OAT: variants seen among roughly 807,000 people sequenced by gnomAD.
OAT encodes the protein ornithine aminotransferase.
In OAT, 35 loss-of-function variants were observed where a neutral mutation model predicts 48.4. The ratio of observed to expected loss-of-function variants is 0.72; its 90% CI spans 0.55 to 0.96. OAT has a LOEUF of 0.96. OAT is among the 40% of genes least tolerant of loss of function. The pLI, the probability that OAT is intolerant of heterozygous loss-of-function variation, is 0.00. For missense variants in OAT, 438 were observed against 537.9 expected (o/e 0.81, Z 1.84); for synonymous variants, 182 against 198.4 (o/e 0.92, Z 0.70).
intron 5 of OAT, among the ~76,000 whole-genome samples, chr10:124,405,105 A>G (rs1951534211): frequency 6.6e-6 from 1 of 152,220 alleles, no homozygotes; most frequent in Admixed American, 6.5e-5. Flanking sequence ...AGCCAACTTA[A>G]GGCTTTCTTA....
chr10:124,399,637 G>A (rs1410223447), intron 9 of OAT, among the ~76,000 whole-genome samples: 3 of 151,934 alleles, frequency 2.0e-5, no homozygotes, highest in Admixed American at 1.3e-4. Context: ...AAGACACCGC[G>A]CCCGGCCCCT....
rs1491402467 is a variant in OAT, at chr10:124,408,283, A to AAG, written c.520+257_520+258dup. ...TATGTTTTTTATATATAAAATATAT[A>AAG]AGTGTGTGTGTGTGTGTGTGTGTGT... On this transcript the variant is annotated intron_variant, in intron 4 of 9. Coordinates refer to ENST00000368845, the MANE Select transcript of OAT (RefSeq NM_000274.4). 5.8e-4 allele frequency among the ~76,000 whole-genome samples: 64 copies of AAG among 109,984 alleles called. No individual in the cohort carries two copies. The East Asian group carries it at 0.012, about 21-fold the overall frequency. 72.2% of individuals were successfully genotyped at this position (109,984 alleles called of 152,430 possible). A position where few individuals can be genotyped will look rare whatever the true frequency, so the allele number is the denominator to read the frequency against.
At position 124,398,068 on chromosome 10, in the gene OAT, T is replaced by G; in HGVS notation, c.1194A>C (p.Arg398=). The part of the protein sequence containing the change: ...WDAWKVCLRL[R]DNGLLAKPTH... ...TTGGCTTGGCCAGAAGTCCATTATC[T>G]CGAAGTCGTAGACACACCTTCCAAG... Residue 398 remains arginine (R), a synonymous_variant, in exon 10 of 10, where the codon CGA becomes CGC. Transcript: ENST00000368845. 1 of 1,614,154 alleles carries G rather than the reference T, an allele frequency of 6.2e-7. No individual in the cohort carries two copies. The highest frequency in any genetic ancestry group is 8.5e-7 in the Non-Finnish European group (1 of 1,180,008).
chr10:124,412,916 C>T (rs1951802577), intron 1 of OAT, among the ~76,000 whole-genome samples: 1 of 152,198 alleles, frequency 6.6e-6, no homozygotes. Context: ...AGGCACAATG[C>T]TATGAGACAG....
intron 1 of OAT, among the ~76,000 whole-genome samples, chr10:124,416,800 A>AT (rs1472876946): frequency 1.3e-5 from 2 of 152,046 alleles, no homozygotes; most frequent in African/African-American, 4.8e-5. Flanking sequence ...TGAGGAGTAA[A>AT]TTTGTTCTTG....
chr10:124,403,791 T>C lies in OAT; in HGVS notation c.771+7A>G. On this transcript the variant is annotated splice_region_variant and intron_variant, in intron 6 of 9. Transcript: ENST00000368845. ...TCAGCCTTATCACAAACAGCTAACG[T>C]GACAACCTGGTGCCTGGTGCAGAGC... 6.2e-7 allele frequency: 1 copy of C among 1,614,094 alleles called. No homozygotes were observed. The highest frequency in any genetic ancestry group is 8.5e-7 in the Non-Finnish European group (1 of 1,179,954).
chr10:124,398,090 C>A lies in OAT; in HGVS notation c.1172G>T (p.Trp391Leu). The change falls in exon 10 of 10, where the codon TGG becomes TTG. Residue 391 changes from tryptophan to leucine, a missense_variant. Coordinates refer to ENST00000368845, the MANE Select transcript of OAT (RefSeq NM_000274.4). ...VIKETKDWDA[W>L]KVCLRLRDNG... ...ATCTCGAAGTCGTAGACACACCTTC[C>A]AAGCATCCCAATCTAAAGAAAAATA... 1 of 1,614,062 alleles carries A rather than the reference C, an allele frequency of 6.2e-7. No homozygotes were observed. The highest frequency in any genetic ancestry group is 8.5e-7 in the Non-Finnish European group (1 of 1,179,980).
chr10:124,405,775 T>C, intron 4 of OAT: 1 of 1,353,506 alleles, frequency 7.4e-7, no homozygotes, highest in East Asian at 3.2e-5. Context: ...GCCTTGTAAT[T>C]CCTATTTTAG....
rs59171918 is a variant in OAT at position 124,417,283 on chromosome 10, CTT to C, written c.-30+1588_-30+1589del. ...AAAACTGTAAACCCAAAACTATAAG[CTT>C]TTTTTTTTTTTTTTTTTTTTTTCGA... On this transcript the variant is annotated intron_variant, in intron 1 of 9. Transcript: ENST00000368845. Among the ~76,000 whole-genome samples, 81 of 87,010 alleles carry C rather than the reference CTT, an allele frequency of 9.3e-4. No individual in the cohort carries two copies. The East Asian group carries it at 0.013, about 14-fold the overall frequency. 57.1% of individuals were successfully genotyped at this position (87,010 alleles called of 152,430 possible).
chr10:124,415,125 T>C (rs1367238265), intron 1 of OAT: 2 of 136,210 alleles, frequency 1.5e-5, no homozygotes, highest in Non-Finnish European at 3.1e-5. Flanking sequence ...ATATCAGAGA[T>C]TATCTAAATT....
chr10:124,411,001 G>A (rs747010359), intron 2 of OAT, among the ~76,000 whole-genome samples: 3 of 151,658 alleles, frequency 2.0e-5, no homozygotes, highest in East Asian at 2.0e-4. Flanking sequence ...TTAGCTGGAC[G>A]TGGTGGCGTG....
chr10:124,409,319 CT>C (rs1407268247), intron 2 of OAT, among the ~76,000 whole-genome samples: 1 of 152,190 alleles, frequency 6.6e-6, no homozygotes, highest in African/African-American at 2.4e-5. Context: ...AATCCTAGCA[CT>C]TTGGGAGACC....
At chr10:124,410,827 A>G (rs55792893) in intron 2 of OAT, among the ~76,000 whole-genome samples, 5,623 of 151,908 alleles carry the variant, frequency 0.037, 333 homozygotes, top group African/African-American at 0.13. Context: ...GGAAAGACAC[A>G]CTAAGTATTT....
chr10:124,417,170 A>AAAATGTC (rs1951943350), intron 1 of OAT, among the ~76,000 whole-genome samples: 1 of 152,122 alleles, frequency 6.6e-6, no homozygotes, highest in Non-Finnish European at 1.5e-5. Context: ...CTTTGAGGGA[A>AAAATGTC]AAATGTCTTT....
In OAT at chr10:124,412,062, G is replaced by A. The variant is rs747742850; in HGVS notation, c.110C>T (p.Pro37Leu). 1 of 1,614,218 alleles carries A rather than the reference G, an allele frequency of 6.2e-7. No individual in the cohort carries two copies. Among genetic ancestry groups the A allele is most frequent in the South Asian group, 1.1e-5 (1 of 91,082 alleles). ...SVATKKTVQG[P>L]PTSDDIFERE... ...TTCAAAAATGTCATCAGAGGTTGGA[G>A]GGCCTTGGACTGTTTTTTTAGTTGC... is the stretch of plus-strand genomic sequence containing the variant. The change falls in exon 2 of 10, where the codon CCT (proline) becomes CTT (leucine). Residue 37 changes from proline to leucine, a missense_variant. Physicochemically the swap from Pro to Leu is moderately conservative, Grantham distance 98 (BLOSUM62 -3). Transcript: ENST00000368845.
chr10:124,408,783 T>A lies in OAT; in HGVS notation c.382A>T (p.Thr128Ser). ...ACTTTGTGGTAGTTGAAAAGTTTAG[T>A]AATATACTCCTCATATTCACCAAGT... ...NVLGEYEEYI[T>S]KLFNYHKVLP... is the part of the protein sequence containing the mutation. The change falls in exon 3 of 10, where the codon ACT becomes TCT. Residue 128 changes from threonine to serine, a missense_variant. By Grantham distance (58) the Thr-to-Ser change is moderately conservative (BLOSUM62 1). Transcript: ENST00000368845. 1 of 1,612,286 alleles carries A rather than the reference T, an allele frequency of 6.2e-7. No homozygotes were observed. Among genetic ancestry groups the A allele is most frequent in the South Asian group, 1.1e-5 (1 of 91,006 alleles).
chr10:124,406,954 A>C, intron 4 of OAT: 1 of 985,306 alleles, frequency 1.0e-6, no homozygotes, highest in Non-Finnish European at 1.2e-6. Flanking sequence ...GATGACATTC[A>C]AGAAGGAAAG....
chr10:124,398,894 G>A (rs564752156), intron 9 of OAT, among the ~76,000 whole-genome samples: 2 of 152,100 alleles, frequency 1.3e-5, no homozygotes, highest in African/African-American at 4.8e-5. Flanking sequence ...GCACATGCCT[G>A]TAGTCCCAGC....
At chr10:124,408,396 G>A in intron 4 of OAT, 146 bp downstream of exon 4, 1 of 528,816 alleles carries the variant, frequency 1.9e-6, no homozygotes, top group Non-Finnish European at 3.5e-6. Context: ...TTGCCCAGAA[G>A]GCTGGTCTTG....
Sources: gnomAD v4.1 joint callset for allele counts (sites outside exome capture counted in the v4.1 genomes callset) on GRCh38, gnomAD v4.1.1 for gene constraint, MANE v1.5 for transcripts, NCBI Gene and HGNC (gene_info 2026-07-23, HGNC 2026-07-21) for gene names.